Variants in POC5 observed in about 807,000 individuals in gnomAD.
The protein encoded by POC5 is centrosomal protein POC5.
POC5 carries 48 observed loss-of-function variants against 62.9 expected under a neutral mutation model. The observed-to-expected ratio is 0.76, with a 90% CI of 0.61 to 0.97. The LOEUF (loss-of-function observed/expected upper bound fraction) is 0.97. POC5 is among the 50% of genes least tolerant of loss of function. The pLI is 0.00. For missense variants in POC5, 696 were observed against 679.5 expected (o/e 1.02, Z -0.27); for synonymous variants, 236 against 228.2 (o/e 1.03, Z -0.31).
intron 10 of POC5, among the ~76,000 whole-genome samples, chr5:75,678,892 A>C (rs1389325957): frequency 6.6e-6 from 1 of 152,192 alleles, no homozygotes; most frequent in African/African-American, 2.4e-5. Context: ...CTATTTTTCC[A>C]CTGTCAATCA....
intron 2 of POC5, among the ~76,000 whole-genome samples, chr5:75,709,191 T>C (rs1174562613): frequency 2.0e-5 from 3 of 152,196 alleles, no homozygotes; most frequent in Admixed American, 6.5e-5. Context: ...CAAATACTGA[T>C]TTTTATATAT....
chr5:75,698,391 A>C (rs886432862), intron 5 of POC5, among the ~76,000 whole-genome samples: 4 of 152,172 alleles, frequency 2.6e-5, no homozygotes, highest in East Asian at 1.9e-4. Context: ...TGCAATCAAA[A>C]TAGAACTCAG....
chr5:75,674,267 A>G lies in POC5; in HGVS notation c.*168T>C, dbSNP rs982892631. ...AAAATAACATTAAAATAATTTCTACATATAGTTACAAAGCATGGTAGAGCT... is the reference window on the plus strand; with the variant it reads ...AAAATAACATTAAAATAATTTCTACGTATAGTTACAAAGCATGGTAGAGCT... On this transcript the variant is annotated 3_prime_UTR_variant, in exon 12 of 12. Coordinates refer to ENST00000428202, the MANE Select transcript of POC5 (RefSeq NM_001099271.2). 1 of 511,814 alleles carries G rather than the reference A, an allele frequency of 2.0e-6. No individual in the cohort carries two copies. Among genetic ancestry groups the G allele is most frequent in the East Asian group, 3.3e-5 (1 of 30,250 alleles). 31.7% of individuals were successfully genotyped at this position (511,814 alleles called of 1,614,324 possible).
Position 75,705,741 on chromosome 5 carries a change from T to C in POC5, c.270A>G (p.Gly90=). 6.4e-7 allele frequency: 1 copy of C among 1,555,960 alleles called. No homozygotes were observed. Among genetic ancestry groups the C allele is most frequent in the Non-Finnish European group, 8.7e-7 (1 of 1,150,728 alleles). The change falls in exon 4 of 12, where the codon GGA becomes GGG. Residue 90 remains glycine, a synonymous_variant. Transcript: ENST00000428202. The stretch of plus-strand genomic sequence containing the variant: ...AATGACTTGAAATATGGAAATCACA[T>C]CCTTTTCCAACTTCTATTGCAGTTT... ...VRETAIEVGK[G]CDFHISSHSK...
chr5:75,684,715 C>T (rs1439958538), intron 10 of POC5, among the ~76,000 whole-genome samples: 3 of 152,100 alleles, frequency 2.0e-5, no homozygotes, highest in Non-Finnish European at 4.4e-5. Flanking sequence ...ATTATCACTA[C>T]TATGACAGCA....
At chr5:75,696,898 C>T (rs1334670654) in intron 5 of POC5, among the ~76,000 whole-genome samples, 7 of 151,476 alleles carry the variant, frequency 4.6e-5, no homozygotes, top group East Asian at 1.9e-4. Flanking sequence ...TCGAGAACTA[C>T]GTGAAGAATG....
intron 5 of POC5, among the ~76,000 whole-genome samples, chr5:75,696,780 CA>C (rs1776616708): frequency 6.6e-6 from 1 of 151,856 alleles, no homozygotes; most frequent in African/African-American, 2.4e-5. Context: ...ACATTCAAAC[CA>C]AAGGCAAAGA....
At chr5:75,698,264 C>T (rs1580037441) in intron 5 of POC5, among the ~76,000 whole-genome samples, 2 of 146,808 alleles carry the variant, frequency 1.4e-5, no homozygotes, top group African/African-American at 5.0e-5. Context: ...ACAGAATATA[C>T]ATTTTTTTCA....
At chr5:75,701,569 G>A (rs1776882398) in intron 5 of POC5, among the ~76,000 whole-genome samples, 1 of 121,946 alleles carries the variant, frequency 8.2e-6, no homozygotes, top group Middle Eastern at 4.3e-3. Context: ...GGGGACTGTT[G>A]TTGGGTGGGG....
chr5:75,685,062 T>G, intron 10 of POC5, 145 bp downstream of exon 10: 1 of 847,538 alleles, frequency 1.2e-6, no homozygotes, highest in Non-Finnish European at 1.7e-6. Flanking sequence ...AGAGACGGGG[T>G]TTCACCGTGT....
At chr5:75,689,672 G>A (rs1776239846) in intron 8 of POC5, 4 of 984,966 alleles carry the variant, frequency 4.1e-6, no homozygotes, top group Admixed American at 6.2e-5. Flanking sequence ...TTTGCATGTC[G>A]TAGTGAACTG....
At chr5:75,712,830 G>A in intron 2 of POC5, 24 bp downstream of exon 2, 3 of 1,547,714 alleles carry the variant, frequency 1.9e-6, no homozygotes, top group Non-Finnish European at 2.6e-6. Flanking sequence ...AAAAGTCATG[G>A]TAAATTTAGA....
Position 75,712,888 on chromosome 5 carries a change from G to C in POC5, c.50C>G (p.Ser17Cys). 6.2e-7 allele frequency: 1 copy of C among 1,612,528 alleles called. No homozygotes were observed. The highest frequency in any genetic ancestry group is 8.5e-7 in the Non-Finnish European group (1 of 1,179,214). The change falls in exon 2 of 12, where the codon TCC (serine) becomes TGC (cysteine). Residue 17 changes from serine to cysteine, a missense_variant. Transcript: ENST00000428202. ...KYSLPVVQND[S>C]SRGSSVSSNL... The stretch of plus-strand genomic sequence containing the variant: ...CGAAGAGACAGAACTGCCTCGACTG[G>C]AGTCATTTTGCACAACTGGAAGTGA...
At position 75,705,699 on chromosome 5, in the gene POC5, C is replaced by G; in HGVS notation, c.307+5G>C. On this transcript the variant is annotated splice_donor_5th_base_variant and intron_variant, in intron 4 of 11. Transcript: ENST00000428202. ...TAATACAAATAAGCTAAAGAAAAAT[C>G]ATACCATCTGTCTTTGAATGACTTG... is the stretch of plus-strand genomic sequence containing the variant. The G allele has an allele frequency of 6.7e-7, 1 of 1,500,440 alleles. No individual in the cohort carries two copies. Among genetic ancestry groups the G allele is most frequent in the South Asian group, 1.3e-5 (1 of 75,136 alleles). 92.9% of individuals were successfully genotyped at this position (1,500,440 alleles called of 1,614,324 possible).
At chr5:75,712,426 G>C (rs1210439371) in intron 2 of POC5, 2 of 1,612,756 alleles carry the variant, frequency 1.2e-6, no homozygotes, top group Non-Finnish European at 1.7e-6. Context: ...AGATTGTACT[G>C]AATGTTGTGA....
chr5:75,713,013 GAT>G, intron 1 of POC5, 62 bp from the exon 2 acceptor site: 2 of 1,212,086 alleles, frequency 1.7e-6, no homozygotes, highest in Non-Finnish European at 2.4e-6. Flanking sequence ...ATCCTTTCCA[GAT>G]ATATATAAGT....
chr5:75,695,819 G>A (rs1776549343), intron 5 of POC5, among the ~76,000 whole-genome samples: 1 of 152,182 alleles, frequency 6.6e-6, no homozygotes, highest in African/African-American at 2.4e-5. Context: ...TCTCACTAGG[G>A]AGTGCCAGAC....
rs756825655 is a variant in POC5, at chr5:75,712,981, T to C, written c.-14-30A>G. On this transcript the variant is annotated intron_variant, in intron 1 of 11. Coordinates refer to ENST00000428202, the MANE Select transcript of POC5 (RefSeq NM_001099271.2). The stretch of plus-strand genomic sequence containing the variant: ...AACAGTAGAAGCTAACTTTAGCTTT[T>C]TTCCTTGATATTTAAGATAAAATCC... 4.1e-6 allele frequency: 6 copies of C among 1,470,196 alleles called. No homozygotes were observed. In the South Asian group the frequency reaches 7.4e-5, roughly 18 times the overall value. 91.1% of individuals were successfully genotyped at this position (1,470,196 alleles called of 1,614,324 possible). A position where few individuals can be genotyped will look rare whatever the true frequency, so the allele number is the denominator to read the frequency against.
chr5:75,692,125 C>T (rs1776362298), intron 7 of POC5, among the ~76,000 whole-genome samples: 1 of 152,062 alleles, frequency 6.6e-6, no homozygotes, highest in Admixed American at 6.5e-5. Flanking sequence ...GGTTCTATTA[C>T]CAGGGCCTTT....
Sources: gnomAD v4.1 joint callset for allele counts (sites outside exome capture counted in the v4.1 genomes callset) on GRCh38, gnomAD v4.1.1 for gene constraint, MANE v1.5 for transcripts, NCBI Gene and HGNC (gene_info 2026-07-23, HGNC 2026-07-21) for gene names.